The following CYP39A1 variants were observed in gnomAD, a reference collection of about 807,000 sequenced individuals.
CYP39A1 encodes the protein cytochrome P450 family 39 subfamily A member 1.
Under a neutral mutation model 58.1 loss-of-function variants are expected in CYP39A1, and 49 were observed. That is an observed-to-expected ratio of 0.84 (90% CI 0.67 to 1.07). The LOEUF is 1.07. CYP39A1 is among the 50% of genes least tolerant of loss of function. CYP39A1 has a pLI of 0.00. For synonymous variants in CYP39A1, 209 were observed against 187.6 expected (o/e 1.11, Z -0.93); for missense variants, 531 against 539.4 (o/e 0.98, Z 0.16).
intron 8 of CYP39A1, among the ~76,000 whole-genome samples, chr6:46,589,220 TG>T (rs1432892994): frequency 1.3e-5 from 2 of 151,956 alleles, no homozygotes; most frequent in African/African-American, 4.8e-5. Context: ...TGGGAGGCCT[TG>T]GTCGGAGGAT....
intron 10 of CYP39A1, among the ~76,000 whole-genome samples, chr6:46,572,351 G>C (rs1027654545): frequency 4.6e-5 from 7 of 152,150 alleles, no homozygotes; most frequent in African/African-American, 1.7e-4. Flanking sequence ...TTATAAGGCA[G>C]GTATAGTAGT....
intron 5 of CYP39A1, among the ~76,000 whole-genome samples, chr6:46,635,972 G>A (rs1232736285): frequency 6.6e-6 from 1 of 152,120 alleles, no homozygotes; most frequent in East Asian, 1.9e-4. Flanking sequence ...GGTTCCTAGT[G>A]CCTGGCTTTT....
chr6:46,629,687 C>T (rs927419214), intron 6 of CYP39A1, among the ~76,000 whole-genome samples: 4 of 152,154 alleles, frequency 2.6e-5, no homozygotes, highest in Non-Finnish European at 1.5e-5. Context: ...ATACTTAAAA[C>T]ATCTTCCTAA....
chr6:46,628,020 A>G (rs1775425978), intron 6 of CYP39A1, among the ~76,000 whole-genome samples: 1 of 152,310 alleles, frequency 6.6e-6, no homozygotes, highest in African/African-American at 2.4e-5. Context: ...CAGCCACCAT[A>G]ATGTCATTCC....
intron 7 of CYP39A1, among the ~76,000 whole-genome samples, chr6:46,614,741 A>G (rs971922645): frequency 6.6e-6 from 1 of 152,180 alleles, no homozygotes; most frequent in African/African-American, 2.4e-5. Flanking sequence ...CTGATTTAGT[A>G]AAATAATAAT....
At chr6:46,636,539 G>T in intron 4 of CYP39A1, 57 bp from the exon 5 acceptor site, 1 of 1,082,754 alleles carries the variant, frequency 9.2e-7, no homozygotes, top group Non-Finnish European at 1.4e-6. Context: ...GGAATAACAG[G>T]TCACAGCATA....
intron 10 of CYP39A1, among the ~76,000 whole-genome samples, chr6:46,554,648 T>C (rs976091510): frequency 1.3e-5 from 2 of 152,220 alleles, no homozygotes; most frequent in Non-Finnish European, 2.9e-5. Context: ...AATTCTGTTA[T>C]TTTTCCCTGT....
intron 7 of CYP39A1, among the ~76,000 whole-genome samples, chr6:46,601,383 G>A (rs572883363): frequency 5.6e-4 from 85 of 152,158 alleles, no homozygotes; most frequent in African/African-American, 1.9e-3. Flanking sequence ...AGTCAGTACC[G>A]TCTCAGGACC....
intron 7 of CYP39A1, among the ~76,000 whole-genome samples, chr6:46,614,672 C>T (rs1366153422): frequency 1.3e-5 from 2 of 152,272 alleles, no homozygotes; most frequent in East Asian, 1.9e-4. Context: ...CTGATCATTA[C>T]ACTTTCTATA....
At chr6:46,594,333 G>GA (rs1422458837) in intron 8 of CYP39A1, among the ~76,000 whole-genome samples, 2 of 151,888 alleles carry the variant, frequency 1.3e-5, no homozygotes, top group African/African-American at 4.8e-5. Flanking sequence ...TACAGAAATA[G>GA]AAAAAACATA....
chr6:46,572,796 T>C (rs998927567), intron 10 of CYP39A1, among the ~76,000 whole-genome samples: 4 of 152,126 alleles, frequency 2.6e-5, no homozygotes, highest in Admixed American at 6.5e-5. Flanking sequence ...TTATGATGCA[T>C]ACATTGGTTT....
In CYP39A1 at chr6:46,553,751, T is replaced by G. The variant is rs898092130; in HGVS notation, c.1338+16A>C. 15 of 1,561,580 alleles carry G rather than the reference T, an allele frequency of 9.6e-6. No homozygotes were observed. The African/African-American group carries it at 1.8e-4, about 18-fold the overall frequency. On this transcript the variant is annotated intron_variant, in intron 11 of 11. Transcript: ENST00000275016. Reference sequence around the variant, plus strand: ...TTATAAGTAGTCATGATACTCAAAATTCTGAAAACACTTACCTGTTTGGGT... The same window carrying G: ...TTATAAGTAGTCATGATACTCAAAAGTCTGAAAACACTTACCTGTTTGGGT...
rs34632302 is a variant in CYP39A1 at position 46,577,775 on chromosome 6, T to TA, written c.1250+9301dup. Among the ~76,000 whole-genome samples, 108 of 151,712 alleles carry TA rather than the reference T, an allele frequency of 7.1e-4. No homozygotes were observed. The South Asian group carries it at 7.9e-3, about 11-fold the overall frequency. ...TCTAATGCTGAAGCACCCAGATTCA[T>TA]AAAAAAAAATTCTTAGAGGCTTATA... On this transcript the variant is annotated intron_variant, in intron 10 of 11. Coordinates refer to ENST00000275016, the MANE Select transcript of CYP39A1 (RefSeq NM_016593.5).
intron 7 of CYP39A1, among the ~76,000 whole-genome samples, chr6:46,604,958 A>G (rs567780848): frequency 7.2e-5 from 11 of 151,942 alleles, no homozygotes; most frequent in African/African-American, 2.2e-4. Context: ...AAAGAATTGC[A>G]TTGGGCTACA....
intron 7 of CYP39A1, among the ~76,000 whole-genome samples, chr6:46,612,058 G>A (rs1296922301): frequency 6.6e-6 from 1 of 152,134 alleles, no homozygotes; most frequent in East Asian, 1.9e-4. Flanking sequence ...TAAAATGAGA[G>A]GCACCAGAGT....
At chr6:46,578,293 T>G (rs1036856842) in intron 10 of CYP39A1, among the ~76,000 whole-genome samples, 4 of 152,056 alleles carry the variant, frequency 2.6e-5, no homozygotes, top group South Asian at 2.1e-4. Flanking sequence ...GAGGAAAGTT[T>G]ACAGCACCAA....
chr6:46,645,029 T>C (rs1762232402), intron 1 of CYP39A1, among the ~76,000 whole-genome samples: 1 of 152,212 alleles, frequency 6.6e-6, no homozygotes, highest in Non-Finnish European at 1.5e-5. Context: ...TTATATATTC[T>C]AGATACTAGT....
At chr6:46,592,266 A>C (rs2206926) in intron 8 of CYP39A1, among the ~76,000 whole-genome samples, 16,089 of 152,168 alleles carry the variant, frequency 0.11, 981 homozygotes, top group South Asian at 0.26. Context: ...TCTAGTATGC[A>C]TAAAAAGGAA....
rs768466302 is a variant in CYP39A1 at position 46,553,818 on chromosome 6, A to G, written c.1287T>C (p.Ile429=). ...TACAGTCATATTTATAAAGTATTAA[A>G]ATAATACACATCTGAACCTCTAACA... is the stretch of plus-strand genomic sequence containing the variant. ...FALLEVQMCI[I]LILYKYDCSL... Residue 429 remains isoleucine, a synonymous_variant, in exon 11 of 12, where the codon ATT becomes ATC. Coordinates refer to ENST00000275016, the MANE Select transcript of CYP39A1 (RefSeq NM_016593.5). The G allele has an allele frequency of 2.5e-6, 4 of 1,610,754 alleles. No individual in the cohort carries two copies.
Sources: gnomAD v4.1 joint callset for allele counts (sites outside exome capture counted in the v4.1 genomes callset) on GRCh38, gnomAD v4.1.1 for gene constraint, MANE v1.5 for transcripts, NCBI Gene and HGNC (gene_info 2026-07-23, HGNC 2026-07-21) for gene names.